Variants in STIM2 observed in about 807,000 individuals in gnomAD.
The protein encoded by STIM2 is stromal interaction molecule 2.
In STIM2, 31 loss-of-function variants were observed where a neutral mutation model predicts 85.8. That is an observed-to-expected ratio of 0.36 (90% CI 0.27 to 0.49). STIM2 has a LOEUF of 0.49. Among genes scored for constraint, STIM2 ranks in the 20% least tolerant of loss-of-function variants. The pLI, the probability that STIM2 is intolerant of heterozygous loss-of-function variation, is 0.98. For missense variants in STIM2, 841 were observed against 927.6 expected (o/e 0.91, Z 1.21); for synonymous variants, 356 against 331.1 (o/e 1.08, Z -0.82).
At chr4:27,008,154 T>A (rs934984002) in intron 8 of STIM2, 4 of 588,150 alleles carry the variant, frequency 6.8e-6, no homozygotes, top group Non-Finnish European at 1.2e-5. Flanking sequence ...TTCTGTTACT[T>A]TTAGTACAAG....
In STIM2 at chr4:27,017,997, A is replaced by G. The variant is rs2109145488; in HGVS notation, c.1763+13A>G. On this transcript the variant is annotated intron_variant, in intron 11 of 11. Coordinates refer to ENST00000467087, the MANE Select transcript of STIM2 (RefSeq NM_020860.4). ...CTGAAAAGCAATGGTATTGGCAGTGAATAATCTACAGGGCATGTTGGGGCT... is the reference window on the plus strand; with the variant it reads ...CTGAAAAGCAATGGTATTGGCAGTGGATAATCTACAGGGCATGTTGGGGCT... The G allele has an allele frequency of 6.2e-7, 1 of 1,613,648 alleles. No homozygotes were observed. Among genetic ancestry groups the G allele is most frequent in the South Asian group, 1.1e-5 (1 of 91,048 alleles).
chr4:26,865,159 G>C (rs1241293934), intron 1 of STIM2, among the ~76,000 whole-genome samples: 5 of 152,056 alleles, frequency 3.3e-5, no homozygotes, highest in African/African-American at 1.2e-4. Flanking sequence ...ATCATTACCA[G>C]TGCTTTTCTT....
In STIM2 at chr4:27,002,318, G is replaced by C; in HGVS notation, c.727G>C (p.Glu243Gln). ...TTATACGCAGAATAAGACATCAAAA[G>C]AACATGTTGCAAAAATGATGAAAGA... The change falls in exon 6 of 12, where the codon GAA becomes CAA. Residue 243 changes from glutamate (E) to glutamine (Q), a missense_variant. This residue lies in a region of STIM2 where 408 missense variants were observed against 525.4 expected (regional missense o/e 0.78). Coordinates refer to ENST00000467087, the MANE Select transcript of STIM2 (RefSeq NM_020860.4). The C allele has an allele frequency of 6.2e-7, 1 of 1,613,450 alleles. No homozygotes were observed. The highest frequency in any genetic ancestry group is 1.3e-5 in the African/African-American group (1 of 74,990).
chr4:27,006,105 G>A (rs1728323747), intron 7 of STIM2, among the ~76,000 whole-genome samples: 2 of 152,170 alleles, frequency 1.3e-5, no homozygotes, highest in African/African-American at 2.4e-5. Flanking sequence ...ATTGTCCCAA[G>A]CCATTGCAGT....
At position 26,985,201 on chromosome 4, in the gene STIM2, G is replaced by T. The variant is rs138554573; in HGVS notation, c.398-10178G>T. On this transcript the variant is annotated intron_variant, in intron 3 of 11. Transcript: ENST00000467087. ...AAGTCTATAAAATCAACTGAGTTAGGATGAAATGTGAAAGGCCCGAAACTT... is the reference window on the plus strand; with the variant it reads ...AAGTCTATAAAATCAACTGAGTTAGTATGAAATGTGAAAGGCCCGAAACTT... Among the ~76,000 whole-genome samples the T allele has an allele frequency of 2.6e-5, 4 of 152,252 alleles. No homozygotes were observed. In the East Asian group the frequency reaches 7.7e-4, roughly 29 times the overall value.
At position 27,017,839 on chromosome 4, in the gene STIM2, C is replaced by T. The variant is rs747029301; in HGVS notation, c.1618C>T (p.His540Tyr). 6.2e-7 allele frequency: 1 copy of T among 1,614,180 alleles called. No homozygotes were observed. The highest frequency in any genetic ancestry group is 1.7e-5 in the Admixed American group (1 of 60,018). The change falls in exon 11 of 12, where the codon CAC becomes TAC. Residue 540 changes from histidine (H) to tyrosine (Y), a missense_variant. This residue lies in a region of STIM2 where 293 missense variants were observed against 284.5 expected (regional missense o/e 1.03). Transcript: ENST00000467087. Reference sequence around the variant, plus strand: ...TGCTCCACACGCCCCCCACCCGTCACACCCTCGGCACCCTCACCACCCGCA... The same window carrying T: ...TGCTCCACACGCCCCCCACCCGTCATACCCTCGGCACCCTCACCACCCGCA...
intron 1 of STIM2, among the ~76,000 whole-genome samples, chr4:26,889,630 A>G (rs746908597): frequency 6.6e-6 from 1 of 152,176 alleles, no homozygotes; most frequent in African/African-American, 2.4e-5. Context: ...TCAGGGACTC[A>G]TTATTGGTTT....
intron 2 of STIM2, among the ~76,000 whole-genome samples, chr4:26,933,908 A>G (rs956681612): frequency 1.3e-5 from 2 of 152,180 alleles, no homozygotes; most frequent in Non-Finnish European, 2.9e-5. Flanking sequence ...ACCCGCAAAA[A>G]TACGGCTGGG....
Position 27,022,591 on chromosome 4 carries a change from A to G in STIM2, c.1836A>G (p.Leu612=), listed in dbSNP as rs1728948703. The change falls in exon 12 of 12, where the codon TTA becomes TTG. Residue 612 remains leucine, a synonymous_variant. Transcript: ENST00000467087. ...TTGGAAGGAAACAGTCTCCTCCTTT[A>G]AGCCTCGAGATATACCAAACATTAT... The G allele has an allele frequency of 6.2e-7, 1 of 1,613,468 alleles. No homozygotes were observed. Among genetic ancestry groups the G allele is most frequent in the Non-Finnish European group, 8.5e-7 (1 of 1,179,388 alleles).
rs1723204319 is a variant in STIM2 at position 26,885,837 on chromosome 4, A to ATATG, written c.151+24471_151+24472insGTAT. Among the ~76,000 whole-genome samples, 7 of 29,642 alleles carry ATATG rather than the reference A, an allele frequency of 2.4e-4. 1 individual carries two copies. The South Asian group carries it at 6.5e-3, about 27-fold the overall frequency. The allele number at this position is 29,642 out of a possible 152,430, so 19.4% of individuals were successfully genotyped here. A position where few individuals can be genotyped will look rare whatever the true frequency, so the allele number is the denominator to read the frequency against. The stretch of plus-strand genomic sequence containing the variant: ...CACCTCAGGTTATATATATATATAT[A>ATATG]TATATATATATATATATATATATAT... On this transcript the variant is annotated intron_variant, in intron 1 of 11. Transcript: ENST00000467087.
chr4:27,017,784 G>T lies in STIM2; in HGVS notation c.1563G>T (p.Pro521=). ...GCCGTTCACGCCGCAGCATTGTGCC[G>T]TCCTCGCCTCAGCCTCAGCGAGCTC... is the stretch of plus-strand genomic sequence containing the variant. The change falls in exon 11 of 12, where the codon CCG becomes CCT. Residue 521 remains proline, a synonymous_variant. Coordinates refer to ENST00000467087, the MANE Select transcript of STIM2 (RefSeq NM_020860.4). 6.2e-7 allele frequency: 1 copy of T among 1,613,972 alleles called. No individual in the cohort carries two copies.
chr4:26,910,835 C>T (rs1342141845), intron 1 of STIM2, among the ~76,000 whole-genome samples: 1 of 152,002 alleles, frequency 6.6e-6, no homozygotes, highest in Non-Finnish European at 1.5e-5. Flanking sequence ...TGGTGGGGTA[C>T]AGGTGGGGAA....
chr4:26,957,012 G>A (rs1726270790), intron 2 of STIM2, among the ~76,000 whole-genome samples: 1 of 152,116 alleles, frequency 6.6e-6, no homozygotes, highest in Admixed American at 6.6e-5. Flanking sequence ...CTTGGTGTCT[G>A]TGGGGGATTA....
intron 1 of STIM2, among the ~76,000 whole-genome samples, chr4:26,886,132 C>T (rs538243751): frequency 1.3e-5 from 2 of 151,900 alleles, no homozygotes; most frequent in African/African-American, 2.4e-5. Context: ...TTCATATTCT[C>T]TGTAAAACCA....
intron 1 of STIM2, among the ~76,000 whole-genome samples, chr4:26,870,901 C>CTTT (rs58728231): frequency 7.1e-6 from 1 of 141,246 alleles, no homozygotes. Context: ...TTAGTGAATC[C>CTTT]TTTTTTTTTT....
rs540095992 is a variant in STIM2, at chr4:26,969,050, G to A, written c.397+11324G>A. Among the ~76,000 whole-genome samples the A allele has an allele frequency of 7.3e-4, 111 of 152,274 alleles. 1 individual carries two copies. Among genetic ancestry groups the A allele is most frequent in the Non-Finnish European group, 1.4e-3 (98 of 68,016 alleles). ...TTTTTCTTCATGGATAATTGTGTCA[G>A]TTTATGGATTGAAAAGATTTTGTTA... is the stretch of plus-strand genomic sequence containing the variant. On this transcript the variant is annotated intron_variant, in intron 3 of 11. Coordinates refer to ENST00000467087, the MANE Select transcript of STIM2 (RefSeq NM_020860.4).
At chr4:26,918,218 A>G (rs907768757) in intron 1 of STIM2, among the ~76,000 whole-genome samples, 8 of 150,516 alleles carry the variant, frequency 5.3e-5, no homozygotes, top group African/African-American at 1.9e-4. Flanking sequence ...GTTAGGTAAT[A>G]TCAGTTTGAC....
intron 2 of STIM2, among the ~76,000 whole-genome samples, chr4:26,942,482 G>A (rs541398027): frequency 1.3e-5 from 2 of 152,104 alleles, no homozygotes; most frequent in Admixed American, 6.6e-5. Context: ...CTCTCAAAAG[G>A]ACTTCTGTAC....
chr4:26,978,917 C>G (rs1310355261), intron 3 of STIM2, among the ~76,000 whole-genome samples: 1 of 152,184 alleles, frequency 6.6e-6, no homozygotes, highest in Non-Finnish European at 1.5e-5. Context: ...AATATAGCTA[C>G]TCTTTCAGAA....
Sources: allele counts gnomAD v4.1 joint callset (sites outside exome capture counted in the v4.1 genomes callset), GRCh38; gene constraint gnomAD v4.1.1; regional missense constraint gnomAD v4.1.1; transcripts MANE v1.5; gene names NCBI Gene and HGNC (gene_info 2026-07-23, HGNC 2026-07-21).